Variants in SCGB2B2 observed in about 807,000 individuals in gnomAD.
SCGB2B2 encodes the protein secretoglobin family 2B member 2.
A neutral mutation model predicts 7.6 loss-of-function variants in SCGB2B2; 11 were observed. That is an observed-to-expected ratio of 1.45 (90% confidence interval 0.91 to 2.40). The LOEUF is 2.40. Among genes scored for constraint, SCGB2B2 ranks in the 30% most tolerant of loss-of-function variants. The pLI is 0.00. For synonymous variants in SCGB2B2, 50 were observed against 48.6 expected, an observed-to-expected ratio of 1.03 and a Z score of -0.12; for missense variants, 104 against 115.4, an observed-to-expected ratio of 0.90 and a Z score of 0.45.
intron 3 of SCGB2B2, 74 bp from the exon 4 acceptor site, chr19:34,593,673 G>C: frequency 2.4e-6 from 3 of 1,272,706 alleles, no homozygotes; most frequent in Non-Finnish European, 3.3e-6. Flanking sequence ...TTATTGCCCG[G>C]TCCCCGAGCT....
At chr19:34,604,922 CTT>C (rs1161316064) in intron 1 of SCGB2B2, among the ~76,000 whole-genome samples, 1 of 141,298 alleles carries the variant, frequency 7.1e-6, no homozygotes, top group East Asian at 2.0e-4. Flanking sequence ...CAACTTGTAA[CTT>C]TTGACAGTTG....
At chr19:34,586,844 G>C (rs1209552484), downstream of SCGB2B2, among the ~76,000 whole-genome samples, 2 of 152,144 alleles carry the variant, frequency 1.3e-5, no homozygotes, top group South Asian at 4.1e-4. Context: ...TCTTTATTCT[G>C]ATACCATTGC....
At chr19:34,646,461 CAG>C (rs1410483417) in intron 1 of SCGB2B2, 1 of 152,608 alleles carries the variant, frequency 6.6e-6, no homozygotes, top group East Asian at 1.9e-4. Flanking sequence ...CCAACACATG[CAG>C]AGTCACACTC....
chr19:34,635,124 G>T (rs1430641521), intron 1 of SCGB2B2: 2 of 279,152 alleles, frequency 7.2e-6, no homozygotes, highest in Admixed American at 3.9e-5. Context: ...GAATTCTCTG[G>T]TGTTCAATAA....
At chr19:34,607,521 T>TCCATTTTGTTTTTCATAAAGGCTGTA (rs2065815257) in intron 1 of SCGB2B2, among the ~76,000 whole-genome samples, 1 of 152,228 alleles carries the variant, frequency 6.6e-6, no homozygotes, top group Non-Finnish European at 1.5e-5. Flanking sequence ...TTGAGAAACC[T>TCCATTTTGTTTTTCATAAAGGCTGTA]CCATTTTGTT....
chr19:34,643,922 C>T (rs1263125837), intron 1 of SCGB2B2, among the ~76,000 whole-genome samples: 1 of 151,476 alleles, frequency 6.6e-6, no homozygotes, highest in African/African-American at 2.4e-5. Flanking sequence ...AAAAAGAAGA[C>T]AATTACTTTC....
chr19:34,601,555 AATTT>A (rs1318037792), intron 1 of SCGB2B2, among the ~76,000 whole-genome samples: 6 of 151,714 alleles, frequency 4.0e-5, no homozygotes, highest in East Asian at 1.9e-4. Flanking sequence ...TGAATGTATT[AATTT>A]ATTTATTCCA....
At chr19:34,598,582 T>C (rs1297994517) in intron 1 of SCGB2B2, among the ~76,000 whole-genome samples, 1 of 152,122 alleles carries the variant, frequency 6.6e-6, no homozygotes, top group South Asian at 2.1e-4. Context: ...CCATGGGGCA[T>C]GGCTTTGCTG....
chr19:34,639,366 C>G (rs1430816459), intron 1 of SCGB2B2, among the ~76,000 whole-genome samples: 1 of 152,208 alleles, frequency 6.6e-6, no homozygotes, highest in Non-Finnish European at 1.5e-5. Context: ...AATATCCTAA[C>G]CTTTCCAATT....
intron 1 of SCGB2B2, among the ~76,000 whole-genome samples, chr19:34,598,834 C>T (rs1041166337): frequency 1.3e-5 from 2 of 152,238 alleles, no homozygotes; most frequent in African/African-American, 4.8e-5. Context: ...GGAACTTGAG[C>T]ATCTTCCAGG....
In SCGB2B2 at chr19:34,592,981, T is replaced by C. The variant is rs964542341; in HGVS notation, c.*574A>G. On this transcript the variant is annotated 3_prime_UTR_variant, in exon 4 of 4. Coordinates refer to ENST00000601241, the MANE Select transcript of SCGB2B2 (RefSeq NM_001025591.4). ...GGGGGAGAAAAAAGGACAGCTTGGG[T>C]AGGTAGGGATGGAGAAGTGTGTTAA... Among the ~76,000 whole-genome samples, 2 of 151,646 alleles carry C rather than the reference T, an allele frequency of 1.3e-5. No individual in the cohort carries two copies. Among genetic ancestry groups the C allele is most frequent in the Non-Finnish European group, 2.9e-5 (2 of 67,910 alleles).
At position 34,593,347 on chromosome 19, in the gene SCGB2B2, T is replaced by G; in HGVS notation, c.*208A>C. On this transcript the variant is annotated 3_prime_UTR_variant, in exon 4 of 4. Coordinates refer to ENST00000601241, the MANE Select transcript of SCGB2B2 (RefSeq NM_001025591.4). ...GCATGTCTATGCTACACCTGTAGAGTTTTTCCTCAGTCGCATATTTTCACA... is the reference window on the plus strand; with the variant it reads ...GCATGTCTATGCTACACCTGTAGAGGTTTTCCTCAGTCGCATATTTTCACA... 4 of 519,652 alleles carry G rather than the reference T, an allele frequency of 7.7e-6. No homozygotes were observed. Among genetic ancestry groups the G allele is most frequent in the South Asian group, 5.8e-5 (2 of 34,582 alleles). 32.2% of individuals were successfully genotyped at this position (519,652 alleles called of 1,614,324 possible).
chr19:34,620,216 G>A (rs1292110142), intron 1 of SCGB2B2, among the ~76,000 whole-genome samples: 1 of 152,048 alleles, frequency 6.6e-6, no homozygotes, highest in Non-Finnish European at 1.5e-5. Context: ...TTACTATAAA[G>A]ACACATGTAC....
intron 1 of SCGB2B2, among the ~76,000 whole-genome samples, chr19:34,621,751 C>T (rs555142962): frequency 8.6e-5 from 13 of 151,446 alleles, no homozygotes; most frequent in South Asian, 4.1e-4. Context: ...TGCACAGGGA[C>T]AGAGAGGCCA....
At chr19:34,617,290 C>G (rs2066110609) in intron 1 of SCGB2B2, among the ~76,000 whole-genome samples, 1 of 122,690 alleles carries the variant, frequency 8.2e-6, no homozygotes, top group South Asian at 2.6e-4. Context: ...TGGCCATTTT[C>G]ACGACATTGA....
intron 1 of SCGB2B2, among the ~76,000 whole-genome samples, chr19:34,643,873 C>A (rs1483547015): frequency 2.0e-5 from 3 of 150,672 alleles, no homozygotes; most frequent in African/African-American, 7.3e-5. Flanking sequence ...AATGTGAGGT[C>A]TAAATATCCA....
In SCGB2B2 at chr19:34,603,795, C is replaced by CT. The variant is rs71165672; in HGVS notation, c.-2031-7202dup. On this transcript the variant is annotated intron_variant, in intron 1 of 3. Transcript: ENST00000601241. ...TATCTTATTTTTTAATGTTTTATTA[C>CT]TTTTTTTTTTTTTTTTTAACAGATA... Among the ~76,000 whole-genome samples the CT allele has an allele frequency of 8.8e-3, 1,151 of 131,250 alleles. 15 individuals carry two copies. The highest frequency in any genetic ancestry group is 0.022 in the African/African-American group (817 of 36,542). 86.1% of individuals were successfully genotyped at this position (131,250 alleles called of 152,430 possible). A position where few individuals can be genotyped will look rare whatever the true frequency, so the allele number is the denominator to read the frequency against.
chr19:34,641,244 C>T (rs191487883), intron 1 of SCGB2B2, among the ~76,000 whole-genome samples: 170 of 152,254 alleles, frequency 1.1e-3, no homozygotes, highest in Non-Finnish European at 1.4e-3. Flanking sequence ...AATAGTCCCC[C>T]TGGTGCACTG....
chr19:34,598,563 G>A (rs2065528395), intron 1 of SCGB2B2, among the ~76,000 whole-genome samples: 1 of 152,200 alleles, frequency 6.6e-6, no homozygotes, highest in Non-Finnish European at 1.5e-5. Flanking sequence ...TCTGGACCCA[G>A]GGGGAAAACC....
Sources: gnomAD v4.1 joint callset for allele counts (sites outside exome capture counted in the v4.1 genomes callset) on GRCh38, gnomAD v4.1.1 for gene constraint, MANE v1.5 for transcripts, NCBI Gene and HGNC (gene_info 2026-07-23, HGNC 2026-07-21) for gene names.